The following NF1 variants were observed in gnomAD, a reference collection of about 807,000 sequenced individuals.
The protein encoded by NF1 is neurofibromin 1.
NF1 carries 122 observed loss-of-function variants against 325.7 expected under a neutral mutation model. The observed-to-expected ratio is 0.37, with a 90% CI of 0.32 to 0.44. The LOEUF is 0.44. Among genes scored for constraint, NF1 ranks in the 20% least tolerant of loss-of-function variants. NF1 has a pLI of 1.00. For synonymous variants in NF1, 1,091 were observed against 1,186.0 expected (o/e 0.92, Z 1.65); for missense variants, 2,140 against 3,415.4 (o/e 0.63, Z 9.31).
intron 1 of NF1, among the ~76,000 whole-genome samples, chr17:31,141,606 T>C (rs1425735762): frequency 6.6e-6 from 1 of 152,220 alleles, no homozygotes; most frequent in Non-Finnish European, 1.5e-5. Flanking sequence ...GTATTAGTTA[T>C]CTATTGCTGC....
Position 31,375,942 on chromosome 17 carries a change from A to T in NF1, c.*1787A>T, listed in dbSNP as rs1279114641. The T allele has an allele frequency of 4.3e-6, 1 of 233,132 alleles. No homozygotes were observed. The highest frequency in any genetic ancestry group is 1.3e-3 in the Middle Eastern group (1 of 782). 14.4% of individuals were successfully genotyped at this position (233,132 alleles called of 1,614,324 possible). ...GTATTATTAATGAGTTTACCATAGA[A>T]TTGTTGGAAATACTGAAGACAGGTG... On this transcript the variant is annotated 3_prime_UTR_variant, in exon 58 of 58. Coordinates refer to ENST00000358273, the MANE Select transcript of NF1 (RefSeq NM_001042492.3).
At chr17:31,134,285 T>C (rs915600427) in intron 1 of NF1, among the ~76,000 whole-genome samples, 2 of 152,248 alleles carry the variant, frequency 1.3e-5, no homozygotes, top group African/African-American at 4.8e-5. Flanking sequence ...TTTAATTGTA[T>C]CCTACAAGTT....
At chr17:31,222,667 T>A in intron 15 of NF1, 1 of 309,498 alleles carries the variant, frequency 3.2e-6, no homozygotes, top group Non-Finnish European at 4.9e-6. Flanking sequence ...ATGTTTTGTT[T>A]AACCCGGTGT....
intron 5 of NF1, among the ~76,000 whole-genome samples, chr17:31,176,917 A>G (rs915409880): frequency 2.6e-5 from 4 of 152,134 alleles, no homozygotes; most frequent in African/African-American, 7.2e-5. Flanking sequence ...GTAGCCTTGT[A>G]TAGTTTGAAG....
intron 1 of NF1, among the ~76,000 whole-genome samples, chr17:31,129,465 T>G (rs1170017940): frequency 1.3e-5 from 2 of 151,176 alleles, no homozygotes; most frequent in Non-Finnish European, 3.0e-5. Context: ...TTTTTTTTTT[T>G]TTTTTTTTTG....
At chr17:31,335,150 C>T in intron 40 of NF1, 119 bp downstream of exon 40, 1 of 819,450 alleles carries the variant, frequency 1.2e-6, no homozygotes, top group Non-Finnish European at 1.9e-6. Context: ...AACACAGTTT[C>T]CTCCTTCAGA....
At chr17:31,163,473 G>T (rs1597636269) in intron 4 of NF1, 97 bp downstream of exon 4, 4 of 1,364,036 alleles carry the variant, frequency 2.9e-6, no homozygotes, top group African/African-American at 1.5e-5. Flanking sequence ...TGGAAATGAG[G>T]TTTTTTTGTT....
intron 36 of NF1, among the ~76,000 whole-genome samples, chr17:31,325,456 C>T (rs1274561036): frequency 6.6e-6 from 1 of 152,216 alleles, no homozygotes; most frequent in Non-Finnish European, 1.5e-5. Context: ...AATGGATTGG[C>T]TAAAACCATC....
intron 38 of NF1, 110 bp downstream of exon 38, chr17:31,327,949 G>A: frequency 4.6e-6 from 5 of 1,077,022 alleles, no homozygotes; most frequent in Non-Finnish European, 6.9e-6. Flanking sequence ...AAATTGGAAG[G>A]TATGCAGTGT....
intron 12 of NF1, among the ~76,000 whole-genome samples, chr17:31,210,337 C>T (rs1003776970): frequency 3.9e-5 from 6 of 152,184 alleles, no homozygotes; most frequent in African/African-American, 1.4e-4. Context: ...AATACCAGCA[C>T]TTAGGGAGGC....
chr17:31,329,934 G>A (rs1481423744), intron 38 of NF1, among the ~76,000 whole-genome samples: 1 of 152,104 alleles, frequency 6.6e-6, no homozygotes, highest in Non-Finnish European at 1.5e-5. Flanking sequence ...TGCTAAAAAT[G>A]TATGGTGTGC....
At chr17:31,372,530 A>T (rs559077658) in intron 57 of NF1, among the ~76,000 whole-genome samples, 1 of 152,282 alleles carries the variant, frequency 6.6e-6, no homozygotes, top group South Asian at 2.1e-4. Flanking sequence ...AAAATCCATC[A>T]TCTACATCAA....
At chr17:31,186,103 C>CA (rs1363787575) in intron 8 of NF1, among the ~76,000 whole-genome samples, 1 of 152,090 alleles carries the variant, frequency 6.6e-6, no homozygotes, top group Non-Finnish European at 1.5e-5. Context: ...TGCACAGCAG[C>CA]ATTCCATCAT....
At position 31,095,288 on chromosome 17, in the gene NF1, G is replaced by C. The variant is rs556823296; in HGVS notation, c.-22G>C. On this transcript the variant is annotated 5_prime_UTR_variant, in exon 1 of 58. Coordinates refer to ENST00000358273, the MANE Select transcript of NF1 (RefSeq NM_001042492.3). ...GCGCCGGCCCACCCTTCCCTCCGCC[G>C]CCCCCCGGCCGCGGGGAGGACATGG... The C allele has an allele frequency of 6.0e-3, 9,184 of 1,534,806 alleles. 34 individuals carry two copies. The highest frequency in any genetic ancestry group is 7.0e-3 in the Non-Finnish European group (8,056 of 1,145,620).
At chr17:31,103,906 A>G (rs1388361806) in intron 1 of NF1, among the ~76,000 whole-genome samples, 7 of 152,180 alleles carry the variant, frequency 4.6e-5, no homozygotes, top group South Asian at 2.1e-4. Context: ...GTGTGGTAGT[A>G]TATGCTACTT....
Position 31,229,201 on chromosome 17 carries a change from C to T in NF1, c.2586C>T (p.Thr862=), listed in dbSNP as rs1567848941. ...LQQRSNSGLA[T]YSPPMGPVSE... Reference sequence around the variant, plus strand: ...AGAGAAGCAATTCTGGCCTGGCAACCTATAGCCCACCCATGGGTCCAGTCA... The same window carrying T: ...AGAGAAGCAATTCTGGCCTGGCAACTTATAGCCCACCCATGGGTCCAGTCA... The change falls in exon 21 of 58, where the codon ACC becomes ACT. Residue 862 remains threonine, a synonymous_variant. Coordinates refer to ENST00000358273, the MANE Select transcript of NF1 (RefSeq NM_001042492.3). The T allele has an allele frequency of 6.2e-7, 1 of 1,612,010 alleles. No homozygotes were observed. The highest frequency in any genetic ancestry group is 8.5e-7 in the Non-Finnish European group (1 of 1,179,828).
intron 2 of NF1, among the ~76,000 whole-genome samples, chr17:31,158,082 C>T (rs1296994255): frequency 6.6e-6 from 1 of 152,124 alleles, no homozygotes; most frequent in Non-Finnish European, 1.5e-5. Context: ...TCTCTACCCA[C>T]CCCGATTCTC....
At chr17:31,214,644 T>A (rs1333783572) in intron 13 of NF1, 59 bp downstream of exon 13, 2 of 1,549,282 alleles carry the variant, frequency 1.3e-6, no homozygotes, top group African/African-American at 2.7e-5. Flanking sequence ...TGGGTTTAGC[T>A]GAAACGCCAA....
intron 46 of NF1, among the ~76,000 whole-genome samples, chr17:31,339,767 C>G (rs2069770608): frequency 6.6e-6 from 1 of 152,122 alleles, no homozygotes; most frequent in Non-Finnish European, 1.5e-5. Context: ...GTAATAAATA[C>G]TTTTAATTCA....
Sources: allele counts gnomAD v4.1 joint callset (sites outside exome capture counted in the v4.1 genomes callset), GRCh38; gene constraint gnomAD v4.1.1; transcripts MANE v1.5; gene names NCBI Gene and HGNC (gene_info 2026-07-23, HGNC 2026-07-21).